The following AP1M1 variants were observed in gnomAD, a reference collection of about 807,000 sequenced individuals.
The protein encoded by AP1M1 is adaptor related protein complex 1 subunit mu 1.
Under a neutral mutation model 57.1 loss-of-function variants are expected in AP1M1, and 18 were observed. The observed-to-expected ratio is 0.32, with a 90% CI of 0.22 to 0.47. The LOEUF is 0.47. Among genes scored for constraint, AP1M1 ranks in the 20% least tolerant of loss-of-function variants. The pLI, the probability that AP1M1 is intolerant of heterozygous loss-of-function variation, is 1.00. For synonymous variants in AP1M1, 241 were observed against 237.9 expected (o/e 1.01, Z -0.12); for missense variants, 362 against 593.5 (o/e 0.61, Z 4.05).
Position 16,242,317 on chromosome 19 carries a change from AAAAAT to A in AP1M1, c.*7891_*7895del, listed in dbSNP as rs946913176. The A allele has an allele frequency of 1.5e-4, 22 of 151,388 alleles. No individual in the cohort carries two copies. Among genetic ancestry groups the A allele is most frequent in the Non-Finnish European group, 2.2e-4 (15 of 68,000 alleles). The allele number at this position is 151,388 out of a possible 1,614,324, so 9.4% of individuals were successfully genotyped here. A position where few individuals can be genotyped will look rare whatever the true frequency, so the allele number is the denominator to read the frequency against. On this transcript the variant is annotated 3_prime_UTR_variant, in exon 12 of 12. Coordinates refer to ENST00000291439, the MANE Select transcript of AP1M1 (RefSeq NM_032493.4). ...AGAGTGACACCCTGCCTCAAAAAAA[AAAAAT>A]AAAATAAAGGAAAAATCAGGATAAA...
Position 16,209,029 on chromosome 19 carries a change from G to A in AP1M1, c.399-1G>A, listed in dbSNP as rs2145119514. On this transcript the variant is annotated splice_acceptor_variant, in intron 4 of 11. Coordinates refer to ENST00000291439, the MANE Select transcript of AP1M1 (RefSeq NM_032493.4). LOFTEE classifies it high-confidence loss of function. ...TTCACTCTGAGCGTGTGGCCCCACA[G>A]GTACATCACTCAGGAAGGCCACAAG... 1 of 1,613,354 alleles carries A rather than the reference G, an allele frequency of 6.2e-7. No homozygotes were observed. The highest frequency in any genetic ancestry group is 1.3e-5 in the African/African-American group (1 of 75,040).
At chr19:16,202,695 G>C (rs1260592133) in intron 1 of AP1M1, among the ~76,000 whole-genome samples, 1 of 152,182 alleles carries the variant, frequency 6.6e-6, no homozygotes, top group African/African-American at 2.4e-5. Context: ...TGCTTCTCAT[G>C]GTGTGCACGG....
In AP1M1 at chr19:16,234,810, C is replaced by G; in HGVS notation, c.*375C>G. 1 of 380,592 alleles carries G rather than the reference C, an allele frequency of 2.6e-6. No homozygotes were observed. The highest frequency in any genetic ancestry group is 4.7e-5 in the East Asian group (1 of 21,066). The allele number at this position is 380,592 out of a possible 1,614,324, so 23.6% of individuals were successfully genotyped here. A position where few individuals can be genotyped will look rare whatever the true frequency, so the allele number is the denominator to read the frequency against. On this transcript the variant is annotated 3_prime_UTR_variant, in exon 12 of 12. Transcript: ENST00000291439. ...GGTGGCATCTGCCACGAAGGAAGCG[C>G]CAGCCTCGCCAGGCCAGCAGGGGCG...
At chr19:16,213,371 G>A (rs1239638213) in intron 5 of AP1M1, among the ~76,000 whole-genome samples, 1 of 152,032 alleles carries the variant, frequency 6.6e-6, no homozygotes, top group Non-Finnish European at 1.5e-5. Context: ...ATCTTTGTTG[G>A]CTTAAAGTCT....
intron 1 of AP1M1, among the ~76,000 whole-genome samples, chr19:16,202,708 A>G (rs1248993840): frequency 6.6e-6 from 1 of 152,222 alleles, no homozygotes; most frequent in Non-Finnish European, 1.5e-5. Flanking sequence ...GTGCACGGAT[A>G]CAGTTTGTTT....
At position 16,230,471 on chromosome 19, in the gene AP1M1, G is replaced by A. The variant is rs183280711; in HGVS notation, c.1047+1543G>A. Among the ~76,000 whole-genome samples the A allele has an allele frequency of 1.5e-3, 229 of 150,744 alleles. 1 individual carries two copies. The highest frequency in any genetic ancestry group is 5.5e-3 in the African/African-American group (225 of 41,136). ...GCTGGAGTGCAGTGGCACAATCTCG[G>A]CTCACTGCAACCTGTGCCTCCCAGG... On this transcript the variant is annotated intron_variant, in intron 9 of 11. Coordinates refer to ENST00000291439, the MANE Select transcript of AP1M1 (RefSeq NM_032493.4).
Position 16,236,927 on chromosome 19 carries a change from AACAAAT to A in AP1M1, c.*2496_*2501del. The A allele has an allele frequency of 6.6e-6, 1 of 152,380 alleles. No individual in the cohort carries two copies. Among genetic ancestry groups the A allele is most frequent in the Middle Eastern group, 3.4e-3 (1 of 294 alleles). 9.4% of individuals were successfully genotyped at this position (152,380 alleles called of 1,614,324 possible). A position where few individuals can be genotyped will look rare whatever the true frequency, so the allele number is the denominator to read the frequency against. ...GAACTTCAAAGATTATCGGCATGTAAACAAATACACTATGCAGTCAATCTGTTGCAA... is the reference window on the plus strand; with the variant it reads ...GAACTTCAAAGATTATCGGCATGTAAACACTATGCAGTCAATCTGTTGCAA... On this transcript the variant is annotated 3_prime_UTR_variant, in exon 12 of 12. Transcript: ENST00000291439.
intron 5 of AP1M1, among the ~76,000 whole-genome samples, chr19:16,217,454 G>A (rs2091523750): frequency 1.3e-5 from 2 of 152,148 alleles, no homozygotes; most frequent in South Asian, 4.1e-4. Flanking sequence ...GAACCTGCAG[G>A]CAAAACTGCA....
chr19:16,214,257 T>C (rs569090255), intron 5 of AP1M1, among the ~76,000 whole-genome samples: 1 of 152,092 alleles, frequency 6.6e-6, no homozygotes, highest in East Asian at 1.9e-4. Context: ...TTTCACCATG[T>C]TAGCCAGGAT....
Position 16,239,576 on chromosome 19 carries a change from A to T in AP1M1, c.*5141A>T, listed in dbSNP as rs1454532751. ...GGCGGCCAGATCATTTTAGGTCAGG[A>T]GTTTGAGACCAGCCTGGCCAACATG... On this transcript the variant is annotated 3_prime_UTR_variant, in exon 12 of 12. Transcript: ENST00000291439. The T allele has an allele frequency of 6.6e-6, 1 of 151,972 alleles. No homozygotes were observed. Among genetic ancestry groups the T allele is most frequent in the African/African-American group, 2.4e-5 (1 of 41,372 alleles). The allele number at this position is 151,972 out of a possible 1,614,324, so 9.4% of individuals were successfully genotyped here. A position where few individuals can be genotyped will look rare whatever the true frequency, so the allele number is the denominator to read the frequency against.
chr19:16,234,092 G>A (rs575093446), intron 10 of AP1M1, 107 bp from the exon 11 acceptor site: 21 of 1,132,104 alleles, frequency 1.9e-5, no homozygotes, highest in South Asian at 7.7e-5. Flanking sequence ...TCATCCTGTC[G>A]TCATGGCCTC....
chr19:16,203,736 C>A lies in AP1M1; in HGVS notation c.199+121C>A. On this transcript the variant is annotated intron_variant, in intron 2 of 11. Coordinates refer to ENST00000291439, the MANE Select transcript of AP1M1 (RefSeq NM_032493.4). The surrounding 1 kb of genome is among the most constrained non-coding windows in gnomAD (Gnocchi z 4.6). ...AGCGCAAGCATTGGACACAGCCATGCCCTCCTGGAGCTCCCTGCTGCCTGC... is the reference window on the plus strand; with the variant it reads ...AGCGCAAGCATTGGACACAGCCATGACCTCCTGGAGCTCCCTGCTGCCTGC... 1 of 1,083,998 alleles carries A rather than the reference C, an allele frequency of 9.2e-7. No homozygotes were observed. The highest frequency in any genetic ancestry group is 1.3e-6 in the Non-Finnish European group (1 of 755,214). 67.1% of individuals were successfully genotyped at this position (1,083,998 alleles called of 1,614,324 possible).
rs2091645476 is a variant in AP1M1 at position 16,241,495 on chromosome 19, G to A, written c.*7060G>A. On this transcript the variant is annotated 3_prime_UTR_variant, in exon 12 of 12. Coordinates refer to ENST00000291439, the MANE Select transcript of AP1M1 (RefSeq NM_032493.4). ...ATAATAACAGTGACTAACGTATAGA[G>A]TAGCGACAAAAGGCGCAACTGAAGT... is the stretch of plus-strand genomic sequence containing the variant. 6.6e-6 allele frequency: 1 copy of A among 152,148 alleles called. No individual in the cohort carries two copies. The highest frequency in any genetic ancestry group is 2.4e-5 in the African/African-American group (1 of 41,430). 9.4% of individuals were successfully genotyped at this position (152,148 alleles called of 1,614,324 possible).
chr19:16,226,143 G>T (rs1416112004), intron 5 of AP1M1, among the ~76,000 whole-genome samples: 1 of 145,646 alleles, frequency 6.9e-6, no homozygotes, highest in Non-Finnish European at 1.5e-5. Flanking sequence ...GGCCTAGAGG[G>T]CAGGACCCAC....
intron 9 of AP1M1, among the ~76,000 whole-genome samples, chr19:16,231,664 G>GCTT (rs2091599064): frequency 6.6e-6 from 1 of 152,192 alleles, no homozygotes; most frequent in Non-Finnish European, 1.5e-5. Flanking sequence ...TGATCTGCCT[G>GCTT]CTTCGGCCTC....
chr19:16,210,224 T>C, intron 5 of AP1M1: 1 of 580,824 alleles, frequency 1.7e-6, no homozygotes. Context: ...CTTTTATATT[T>C]ATTTATATTT....
Position 16,235,025 on chromosome 19 carries a change from C to T in AP1M1, c.*590C>T, listed in dbSNP as rs117975943. The T allele has an allele frequency of 0.023, 3,581 of 152,970 alleles. 57 individuals are homozygous for T. Among genetic ancestry groups the T allele is most frequent in the Non-Finnish European group, 0.036 (2,445 of 68,472 alleles). The allele number at this position is 152,970 out of a possible 1,614,324, so 9.5% of individuals were successfully genotyped here. A position where few individuals can be genotyped will look rare whatever the true frequency, so the allele number is the denominator to read the frequency against. ...TCTTCCTTCCCGGCAGCGCCCGCAG[C>T]GGGCCATTTACACGTCGAGGCTGGC... is the stretch of plus-strand genomic sequence containing the variant. On this transcript the variant is annotated 3_prime_UTR_variant, in exon 12 of 12. Coordinates refer to ENST00000291439, the MANE Select transcript of AP1M1 (RefSeq NM_032493.4).
At chr19:16,201,455 A>G (rs1323355476) in intron 1 of AP1M1, among the ~76,000 whole-genome samples, 13 of 57,756 alleles carry the variant, frequency 2.3e-4, no homozygotes, top group Non-Finnish European at 4.7e-4. Context: ...CTGGAGTGCA[A>G]TGGCACAATC....
Position 16,226,417 on chromosome 19 carries a change from C to A in AP1M1, c.547-4C>A. 1 of 1,531,480 alleles carries A rather than the reference C, an allele frequency of 6.5e-7. No individual in the cohort carries two copies. 94.9% of individuals were successfully genotyped at this position (1,531,480 alleles called of 1,614,324 possible). A position where few individuals can be genotyped will look rare whatever the true frequency, so the allele number is the denominator to read the frequency against. The stretch of plus-strand genomic sequence containing the variant: ...TCCCCTCACGCCCACACCGCCACCC[C>A]CAGGTCAGCGCCAACGGCAATGTCC... On this transcript the variant is annotated splice_polypyrimidine_tract_variant and splice_region_variant and intron_variant, in intron 5 of 11. Transcript: ENST00000291439.
Sources: gnomAD v4.1 joint callset for allele counts (sites outside exome capture counted in the v4.1 genomes callset) on GRCh38, gnomAD v4.1.1 for gene constraint, Gnocchi (gnomAD v3.1) non-coding constraint, MANE v1.5 for transcripts, NCBI Gene and HGNC (gene_info 2026-07-23, HGNC 2026-07-21) for gene names.